The following PTPRN2 variants were observed in gnomAD, a reference collection of about 807,000 sequenced individuals.
The protein encoded by PTPRN2 is receptor-type tyrosine-protein phosphatase N2.
PTPRN2 carries 74 observed loss-of-function variants against 118.8 expected under a neutral mutation model. That is an observed-to-expected ratio of 0.62 (90% confidence interval 0.52 to 0.76). The LOEUF is 0.76. Ranked by LOEUF, PTPRN2 falls within the 30% of genes least tolerant of loss-of-function variation. The pLI is 0.00. For missense variants in PTPRN2, 1,481 were observed against 1,394.4 expected (o/e 1.06, Z -0.99); for synonymous variants, 641 against 608.0 (o/e 1.05, Z -0.80).
At chr7:158,581,785 A>G (rs1458417940) in intron 1 of PTPRN2, among the ~76,000 whole-genome samples, 1 of 151,974 alleles carries the variant, frequency 6.6e-6, no homozygotes, top group Non-Finnish European at 1.5e-5. Context: ...GTCACCAAAC[A>G]CTCATCATCT....
chr7:157,993,623 G>A (rs755050032), intron 11 of PTPRN2, among the ~76,000 whole-genome samples: 38 of 152,118 alleles, frequency 2.5e-4, no homozygotes, highest in Admixed American at 3.9e-4. Flanking sequence ...TCCTGTCCCT[G>A]AGTCCCCGCC....
At chr7:158,103,164 G>A (rs1467377786) in intron 10 of PTPRN2, among the ~76,000 whole-genome samples, 1 of 152,174 alleles carries the variant, frequency 6.6e-6, no homozygotes, top group African/African-American at 2.4e-5. Flanking sequence ...CTTACCACCT[G>A]TGGCCTCATC....
chr7:157,971,476 G>A (rs146335928), intron 11 of PTPRN2, among the ~76,000 whole-genome samples: 41 of 152,176 alleles, frequency 2.7e-4, no homozygotes, highest in African/African-American at 8.7e-4. Context: ...TGGCTTAATC[G>A]TTATTAATTT....
intron 3 of PTPRN2, among the ~76,000 whole-genome samples, chr7:158,222,868 A>G (rs6944416): frequency 0.49 from 74,429 of 151,980 alleles, 19,828 homozygotes; most frequent in African/African-American, 0.72. Context: ...TGAGAAAAAA[A>G]TAGAGAAGAT....
chr7:158,248,781 TC>T (rs1563035514), intron 3 of PTPRN2, among the ~76,000 whole-genome samples: 7 of 145,956 alleles, frequency 4.8e-5, no homozygotes, highest in African/African-American at 1.8e-4. Context: ...ATCGCACACA[TC>T]ACATATGTGC....
chr7:157,823,906 TTGAATC>T lies in PTPRN2; in HGVS notation c.1788+74761_1788+74766del, dbSNP rs1346661170. 9.2e-5 allele frequency among the ~76,000 whole-genome samples: 14 copies of T among 151,932 alleles called. No homozygotes were observed. In the East Asian group the frequency reaches 2.7e-3, roughly 29 times the overall value. On this transcript the variant is annotated intron_variant, in intron 12 of 22. Coordinates refer to ENST00000389418, the MANE Select transcript of PTPRN2 (RefSeq NM_002847.5). ...TCTGGAGGGCAAAGTGGGGAGGAGG[TTGAATC>T]AGTCCTTCGTTCCACAGCTGGGTAT...
At position 158,544,934 on chromosome 7, in the gene PTPRN2, GA is replaced by G. The variant is rs1482530347; in HGVS notation, c.112+42623del. Among the ~76,000 whole-genome samples, 1 of 152,196 alleles carries G rather than the reference GA, an allele frequency of 6.6e-6. No homozygotes were observed. The highest frequency in any genetic ancestry group is 1.5e-5 in the Non-Finnish European group (1 of 68,042). On this transcript the variant is annotated intron_variant, in intron 1 of 22. Coordinates refer to ENST00000389418, the MANE Select transcript of PTPRN2 (RefSeq NM_002847.5). The surrounding 1 kb of genome is among the most constrained non-coding windows in gnomAD (Gnocchi z 4.2). The stretch of plus-strand genomic sequence containing the variant: ...ATCACACCCACTCTTTCTTCTTGTG[GA>G]AAGCCCCACGTGGAGCAGAGGGGCA...
chr7:158,087,220 C>T (rs1274917156), intron 10 of PTPRN2, among the ~76,000 whole-genome samples: 2 of 152,190 alleles, frequency 1.3e-5, no homozygotes, highest in Non-Finnish European at 2.9e-5. Context: ...TTCACACAGT[C>T]CCCGCACGCT....
intron 11 of PTPRN2, among the ~76,000 whole-genome samples, chr7:157,966,948 A>G (rs900604312): frequency 1.3e-5 from 2 of 152,200 alleles, no homozygotes; most frequent in African/African-American, 4.8e-5. Flanking sequence ...TGCATTCTAA[A>G]AAGTTCTGTG....
intron 22 of PTPRN2, among the ~76,000 whole-genome samples, chr7:157,548,067 G>A (rs1798414392): frequency 6.6e-6 from 1 of 151,990 alleles, no homozygotes; most frequent in South Asian, 2.1e-4. Context: ...CTTGGTGGAG[G>A]GTTGGTGGAT....
intron 11 of PTPRN2, among the ~76,000 whole-genome samples, chr7:157,967,423 G>A (rs1357977353): frequency 4.6e-5 from 7 of 152,260 alleles, no homozygotes; most frequent in Non-Finnish European, 7.4e-5. Flanking sequence ...TGCGGATGAC[G>A]GTAAATGGGA....
At chr7:157,697,619 T>C (rs79147675) in intron 12 of PTPRN2, among the ~76,000 whole-genome samples, 423 of 50,446 alleles carry the variant, frequency 8.4e-3, no homozygotes, top group Admixed American at 0.014. Flanking sequence ...TGGGTCTTAG[T>C]AGAGCCCTCA....
chr7:157,872,914 T>A (rs1452696582), intron 12 of PTPRN2, among the ~76,000 whole-genome samples: 1 of 152,218 alleles, frequency 6.6e-6, no homozygotes, highest in African/African-American at 2.4e-5. Flanking sequence ...GCAGGCCACC[T>A]CCCCTTGCTG....
At chr7:158,465,980 C>G (rs2129443723) in intron 2 of PTPRN2, among the ~76,000 whole-genome samples, 1 of 152,344 alleles carries the variant, frequency 6.6e-6, no homozygotes, top group African/African-American at 2.4e-5. Context: ...ACACACCCCA[C>G]TTCCTGTTGC....
At chr7:158,357,791 C>T (rs965233729) in intron 2 of PTPRN2, among the ~76,000 whole-genome samples, 6 of 152,190 alleles carry the variant, frequency 3.9e-5, no homozygotes, top group African/African-American at 9.6e-5. Flanking sequence ...AGGCAGGAGG[C>T]GCATTGCGTC....
At chr7:157,661,103 G>GGTGGCTCAGTGCCCA (rs1379716829) in intron 13 of PTPRN2, among the ~76,000 whole-genome samples, 1 of 152,246 alleles carries the variant, frequency 6.6e-6, no homozygotes, top group Admixed American at 6.5e-5. Context: ...TCCTCCGGCG[G>GGTGGCTCAGTGCCCA]GTGGCTCAGT....
intron 12 of PTPRN2, among the ~76,000 whole-genome samples, chr7:157,689,019 G>A (rs1471564307): frequency 1.3e-5 from 2 of 152,198 alleles, no homozygotes; most frequent in Non-Finnish European, 2.9e-5. Flanking sequence ...CGCCGGCCGC[G>A]AGGGAGGACC....
Position 158,510,818 on chromosome 7 carries a change from G to A in PTPRN2, c.113-21033C>T, listed in dbSNP as rs906097001. Among the ~76,000 whole-genome samples the A allele has an allele frequency of 2.1e-3, 324 of 152,366 alleles. 9 individuals are homozygous for A. The highest frequency in any genetic ancestry group is 3.4e-4 in the Non-Finnish European group (23 of 68,040). ...TGTGAATGTAAAGAATAAGCCGACAGGACACTGAGGGCGTTTTGCAGGATC... is the reference window on the plus strand; with the variant it reads ...TGTGAATGTAAAGAATAAGCCGACAAGACACTGAGGGCGTTTTGCAGGATC... On this transcript the variant is annotated intron_variant, in intron 1 of 22. Transcript: ENST00000389418.
intron 12 of PTPRN2, among the ~76,000 whole-genome samples, chr7:157,836,797 C>A (rs1807963668): frequency 6.6e-6 from 1 of 152,122 alleles, no homozygotes; most frequent in African/African-American, 2.4e-5. Context: ...TTTTTAATTG[C>A]TCCAGAGACT....
Sources: allele counts gnomAD v4.1 joint callset (sites outside exome capture counted in the v4.1 genomes callset), GRCh38; gene constraint gnomAD v4.1.1; non-coding constraint Gnocchi (gnomAD v3.1); transcripts MANE v1.5; gene names NCBI Gene and HGNC (gene_info 2026-07-23, HGNC 2026-07-21).